NHSL1: variants seen among roughly 807,000 people sequenced by gnomAD.
NHSL1 encodes the protein NHS-like protein 1.
A neutral mutation model predicts 95.0 loss-of-function variants in NHSL1; 48 were observed. The ratio of observed to expected loss-of-function variants is 0.51; its 90% CI spans 0.40 to 0.64. The LOEUF (loss-of-function observed/expected upper bound fraction) is 0.64, where lower values mean the gene tolerates loss of function less well. NHSL1 is among the 30% of genes least tolerant of loss of function. The pLI is 0.00. For synonymous variants in NHSL1, 783 were observed against 833.9 expected (o/e 0.94, Z 1.05); for missense variants, 1,971 against 2,077.7 (o/e 0.95, Z 1.00).
chr6:138,569,186 A>G (rs1185390888), intron 1 of NHSL1, among the ~76,000 whole-genome samples: 1 of 152,060 alleles, frequency 6.6e-6, no homozygotes, highest in African/African-American at 2.4e-5. Flanking sequence ...ATGCGAGGCT[A>G]GCTTGTTAAG....
At position 138,424,355 on chromosome 6, in the gene NHSL1, C is replaced by T. The variant is rs1235019634; in HGVS notation, c.4547G>A (p.Arg1516Gln). Reference protein sequence around the residue: ...AASSRYSMRNRIQSSPMTVIS... With the variant: ...AASSRYSMRNQIQSSPMTVIS... ...GACGGTCATGGGGCTGCTCTGGATC[C>T]GGTTCCGCATGCTGTACCTGCTGCT... Residue 1516 changes from arginine to glutamine, a missense_variant, in exon 8 of 8, where the codon CGG becomes CAG. By Grantham distance (43) the Arg-to-Gln change is conservative. Coordinates refer to ENST00000343505, the MANE Select transcript of NHSL1 (RefSeq NM_001144060.2). The surrounding 1 kb of genome is among the most constrained non-coding windows in gnomAD (Gnocchi z 5.9). The T allele has an allele frequency of 6.5e-7, 1 of 1,547,512 alleles. No individual in the cohort carries two copies.
chr6:138,537,233 T>G (rs2128320652), intron 1 of NHSL1, among the ~76,000 whole-genome samples: 1 of 152,374 alleles, frequency 6.6e-6, no homozygotes, highest in Non-Finnish European at 1.5e-5. Context: ...CAGCAAACAC[T>G]TCCGTTGGAG....
rs541147054 is a variant in NHSL1, at chr6:138,431,616, G to A, written c.2729C>T (p.Ser910Phe). 1.3e-6 allele frequency: 2 copies of A among 1,551,290 alleles called. No homozygotes were observed. Among genetic ancestry groups the A allele is most frequent in the Non-Finnish European group, 1.7e-6 (2 of 1,146,716 alleles). Residue 910 changes from serine (S) to phenylalanine (F), a missense_variant, in exon 6 of 8, where the codon TCT becomes TTT. Transcript: ENST00000343505. This position sits in a 1 kb window ranked among gnomAD's most constrained non-coding sequence, Gnocchi z 4.0. ...CTTCATAGTGCCACTTCCTTCAGTA[G>A]AAGTACTAGAAGAAAGAGAAGTGGA... Reference protein sequence around the residue: ...SSSTSLSSSTSTEGSGTMKKL... With the variant: ...SSSTSLSSSTFTEGSGTMKKL...
At chr6:138,603,811 T>C (rs925139449) in intron 1 of NHSL1, among the ~76,000 whole-genome samples, 4 of 152,246 alleles carry the variant, frequency 2.6e-5, no homozygotes, top group African/African-American at 4.8e-5. Context: ...AAGTTTAAGA[T>C]TGGTTTTCAT....
chr6:138,482,513 G>A (rs1342616231), intron 2 of NHSL1, among the ~76,000 whole-genome samples: 2 of 150,740 alleles, frequency 1.3e-5, no homozygotes, highest in African/African-American at 4.9e-5. Context: ...AGTTGGAAAA[G>A]AGAAAGTCAA....
intron 3 of NHSL1, among the ~76,000 whole-genome samples, chr6:138,470,317 T>C (rs1410802841): frequency 6.6e-6 from 1 of 152,070 alleles, no homozygotes; most frequent in East Asian, 1.9e-4. Flanking sequence ...TGAGAAAGGG[T>C]CTCACCCAGT....
intron 5 of NHSL1, among the ~76,000 whole-genome samples, chr6:138,435,926 T>C (rs1383773383): frequency 2.6e-5 from 4 of 152,116 alleles, no homozygotes; most frequent in South Asian, 4.1e-4. Context: ...GATATTACTA[T>C]TGTAATTGTT....
chr6:138,536,600 A>ACCTTTTTTTTTTTTTTT (rs1562356172), intron 1 of NHSL1, among the ~76,000 whole-genome samples: 1 of 100,512 alleles, frequency 9.9e-6, no homozygotes. Context: ...GACATATGTC[A>ACCTTTTTTTTTTTTTTT]TCTTTTTTTT....
intron 1 of NHSL1, among the ~76,000 whole-genome samples, chr6:138,686,564 T>C (rs1053805913): frequency 9.8e-5 from 15 of 152,308 alleles, no homozygotes; most frequent in African/African-American, 2.9e-4. Flanking sequence ...TCAAAATAAA[T>C]TAAAACTTTT....
At chr6:138,499,634 A>G (rs1562330126), upstream of NHSL1, 1 of 221,698 alleles carries the variant, frequency 4.5e-6, no homozygotes, top group Non-Finnish European at 9.1e-6. Flanking sequence ...CCATTCATTC[A>G]GTTTTCTCTC....
chr6:138,663,531 G>A (rs867701557), intron 1 of NHSL1, among the ~76,000 whole-genome samples: 9 of 138,254 alleles, frequency 6.5e-5, no homozygotes, highest in Middle Eastern at 9.9e-3. Flanking sequence ...CTGCAGTCCA[G>A]CCTGGGCAAC....
At position 138,424,411 on chromosome 6, in the gene NHSL1, G is replaced by A. The variant is rs1775118367; in HGVS notation, c.4491C>T (p.Tyr1497=). 10 of 1,549,856 alleles carry A rather than the reference G, an allele frequency of 6.5e-6. No homozygotes were observed. The highest frequency in any genetic ancestry group is 1.4e-5 in the African/African-American group (1 of 72,990). ...CAGAAGGCGGCGTTCGGCTGCGGCC[G>A]TACCTGGGGCCGGAAAAGGACAGAC... is the stretch of plus-strand genomic sequence containing the variant. The part of the protein sequence containing the change: ...PRSLSFSGPR[Y]GRSRTPPSAA... The change falls in exon 8 of 8, where the codon TAC becomes TAT. Residue 1497 remains tyrosine, a synonymous_variant. Transcript: ENST00000343505. This position sits in a 1 kb window ranked among gnomAD's most constrained non-coding sequence, Gnocchi z 5.9.
intron 1 of NHSL1, among the ~76,000 whole-genome samples, chr6:138,558,437 T>C (rs573332758): frequency 1.7e-3 from 246 of 145,916 alleles, no homozygotes; most frequent in African/African-American, 2.5e-3. Context: ...TTTTTTTTTT[T>C]CCCTGAGACA....
intron 1 of NHSL1, among the ~76,000 whole-genome samples, chr6:138,609,749 CA>C (rs10687521): frequency 7.3e-4 from 78 of 106,202 alleles, no homozygotes; most frequent in African/African-American, 8.5e-4. Flanking sequence ...GACTCTGTCT[CA>C]AAAAAAAAAA....
At position 138,431,025 on chromosome 6, in the gene NHSL1, T is replaced by G; in HGVS notation, c.3320A>C (p.Gln1107Pro). The change falls in exon 6 of 8, where the codon CAG becomes CCG. Residue 1107 changes from glutamine to proline, a missense_variant. Gln to Pro is a moderately conservative substitution (Grantham distance 76). Transcript: ENST00000343505. This position sits in a 1 kb window ranked among gnomAD's most constrained non-coding sequence, Gnocchi z 4.0. ...GAAAGCAGATGGCTTTAAGTGGTAC[T>G]GTGGAGCAACTGGAGTTCGTTGTTC... The part of the protein sequence containing the change: ...AQEQRTPVAP[Q>P]YHLKPSAFLK... The G allele has an allele frequency of 6.4e-7, 1 of 1,552,320 alleles. No homozygotes were observed.
chr6:138,499,132 T>TGG, intron 1 of NHSL1, 101 bp downstream of exon 1: 1 of 677,662 alleles, frequency 1.5e-6, no homozygotes, highest in Non-Finnish European at 2.3e-6. Flanking sequence ...AACACACACA[T>TGG]GGACACACAC....
At chr6:138,616,089 T>C (rs1784574915) in intron 1 of NHSL1, among the ~76,000 whole-genome samples, 1 of 152,246 alleles carries the variant, frequency 6.6e-6, no homozygotes, top group South Asian at 2.1e-4. Flanking sequence ...TAATCAAATT[T>C]ACCAATGTCC....
At chr6:138,514,104 G>A (rs1781352617) in intron 1 of NHSL1, among the ~76,000 whole-genome samples, 1 of 151,936 alleles carries the variant, frequency 6.6e-6, no homozygotes, top group Non-Finnish European at 1.5e-5. Context: ...ATCACCTGAG[G>A]TCAGGAGTTC....
chr6:138,537,999 AC>A (rs1450639260), intron 1 of NHSL1, among the ~76,000 whole-genome samples: 5 of 152,166 alleles, frequency 3.3e-5, no homozygotes, highest in African/African-American at 4.8e-5. Context: ...GAAATAACAC[AC>A]CCCAAATTCT....
Sources: allele counts gnomAD v4.1 joint callset (sites outside exome capture counted in the v4.1 genomes callset), GRCh38; gene constraint gnomAD v4.1.1; non-coding constraint Gnocchi (gnomAD v3.1); transcripts MANE v1.5; gene names NCBI Gene and HGNC (gene_info 2026-07-23, HGNC 2026-07-21).